The following ABRAXAS2 variants were observed in gnomAD, a reference collection of about 807,000 sequenced individuals.
ABRAXAS2 encodes the protein abraxas 2, BRISC complex subunit, also known as BRISC complex subunit Abraxas 2.
In ABRAXAS2, 23 loss-of-function variants were observed where a neutral mutation model predicts 49.0. That is an observed-to-expected ratio of 0.47 (90% CI 0.34 to 0.66). The LOEUF (loss-of-function observed/expected upper bound fraction) is 0.66, where lower values mean the gene tolerates loss of function less well. ABRAXAS2 is among the 30% of genes least tolerant of loss of function. The probability of loss-of-function intolerance (pLI) is 0.01; values close to 1 mark genes in which losing one functional copy is unlikely to be tolerated. For missense variants in ABRAXAS2, 443 were observed against 511.9 expected, an observed-to-expected ratio of 0.87 and a Z score of 1.30; for synonymous variants, 168 against 180.2, an observed-to-expected ratio of 0.93 and a Z score of 0.54.
At chr10:124,805,697 A>C (rs938427108) in intron 1 of ABRAXAS2, among the ~76,000 whole-genome samples, 6 of 152,208 alleles carry the variant, frequency 3.9e-5, no homozygotes, top group Non-Finnish European at 7.3e-5. Flanking sequence ...TAAAGGGGGC[A>C]GAGTGCCTGG....
chr10:124,806,330 CA>C (rs1284801779), intron 1 of ABRAXAS2, among the ~76,000 whole-genome samples: 1 of 150,848 alleles, frequency 6.6e-6, no homozygotes, highest in African/African-American at 2.4e-5. Context: ...AAAAAAAAGA[CA>C]AGAAAAAGGT....
In ABRAXAS2 at chr10:124,825,984, G is replaced by A. The variant is rs534290964; in HGVS notation, c.268-611G>A. ...CCTGATGACCAACAAATCACATTATGAGAAGTATTCTTCCAGAGTGCATAA... is the reference window on the plus strand; with the variant it reads ...CCTGATGACCAACAAATCACATTATAAGAAGTATTCTTCCAGAGTGCATAA... On this transcript the variant is annotated intron_variant, in intron 4 of 8. Coordinates refer to ENST00000298492, the MANE Select transcript of ABRAXAS2 (RefSeq NM_032182.4). Among the ~76,000 whole-genome samples, 17 of 152,286 alleles carry A rather than the reference G, an allele frequency of 1.1e-4. No individual in the cohort carries two copies. The East Asian group carries it at 3.3e-3, about 29-fold the overall frequency.
chr10:124,821,454 T>G (rs1236920577), intron 4 of ABRAXAS2, among the ~76,000 whole-genome samples: 1 of 151,780 alleles, frequency 6.6e-6, no homozygotes, highest in Non-Finnish European at 1.5e-5. Context: ...TTGTCCCAGG[T>G]ACTCAGGAGG....
At chr10:124,820,724 T>G (rs1360276795) in intron 4 of ABRAXAS2, among the ~76,000 whole-genome samples, 1 of 151,898 alleles carries the variant, frequency 6.6e-6, no homozygotes, top group East Asian at 1.9e-4. Context: ...TCCACCTGCC[T>G]CGGCCTCCCA....
intron 4 of ABRAXAS2, among the ~76,000 whole-genome samples, chr10:124,824,123 A>T (rs1440568201): frequency 6.6e-6 from 1 of 151,968 alleles, no homozygotes; most frequent in Non-Finnish European, 1.5e-5. Context: ...GCCGGGCTCA[A>T]ACTCCTGGGC....
chr10:124,820,032 G>C (rs755084120), intron 4 of ABRAXAS2, among the ~76,000 whole-genome samples: 20 of 152,170 alleles, frequency 1.3e-4, no homozygotes, highest in Non-Finnish European at 2.8e-4. Flanking sequence ...TATAAAAATA[G>C]ATCCGTTACT....
At chr10:124,828,196 T>C (rs1950908684) in intron 5 of ABRAXAS2, among the ~76,000 whole-genome samples, 1 of 152,116 alleles carries the variant, frequency 6.6e-6, no homozygotes, top group Admixed American at 6.5e-5. Flanking sequence ...ATTTTAATTT[T>C]ATTATTACTA....
chr10:124,822,550 T>G (rs574624672), intron 4 of ABRAXAS2, among the ~76,000 whole-genome samples: 2 of 152,250 alleles, frequency 1.3e-5, no homozygotes, highest in Admixed American at 6.5e-5. Context: ...CCCAGCACTT[T>G]GGGAGGCCGA....
At chr10:124,824,534 C>CAAAAAAAA (rs531680713) in intron 4 of ABRAXAS2, among the ~76,000 whole-genome samples, 1 of 78,198 alleles carries the variant, frequency 1.3e-5, no homozygotes, top group African/African-American at 3.9e-5. Context: ...TCTCAAAAAC[C>CAAAAAAAA]AAAAAAAAAA....
At chr10:124,825,284 C>T (rs867895125) in intron 4 of ABRAXAS2, among the ~76,000 whole-genome samples, 1 of 139,894 alleles carries the variant, frequency 7.1e-6, no homozygotes. Context: ...TGCCACTGCA[C>T]TCTAGCCTGA....
chr10:124,805,529 G>A (rs1950736840), intron 1 of ABRAXAS2, among the ~76,000 whole-genome samples: 1 of 152,200 alleles, frequency 6.6e-6, no homozygotes, highest in African/African-American at 2.4e-5. Context: ...CCTACTAAGT[G>A]TTAGGCATTG....
chr10:124,827,098 A>C (rs1388069064), intron 5 of ABRAXAS2, among the ~76,000 whole-genome samples: 1 of 151,924 alleles, frequency 6.6e-6, no homozygotes, highest in African/African-American at 2.4e-5. Context: ...TCTCAAAAAA[A>C]AAAAAAAAGG....
chr10:124,821,208 T>C (rs1431957966), intron 4 of ABRAXAS2, among the ~76,000 whole-genome samples: 4 of 151,154 alleles, frequency 2.6e-5, no homozygotes, highest in South Asian at 2.2e-4. Context: ...CCACTGCACC[T>C]GGCAGATTTC....
At chr10:124,806,983 T>C in intron 2 of ABRAXAS2, 62 bp downstream of exon 2, 3 of 1,279,250 alleles carry the variant, frequency 2.3e-6, no homozygotes, top group Non-Finnish European at 3.4e-6. Flanking sequence ...AATGTTTGTT[T>C]TGTTGTTTTG....
intron 2 of ABRAXAS2, among the ~76,000 whole-genome samples, chr10:124,807,530 G>A (rs1400493652): frequency 2.6e-5 from 4 of 151,524 alleles, no homozygotes; most frequent in Non-Finnish European, 4.4e-5. Flanking sequence ...GCGGGTGCCT[G>A]TAATCCCAGC....
At chr10:124,824,278 G>A (rs1950883164) in intron 4 of ABRAXAS2, among the ~76,000 whole-genome samples, 1 of 152,122 alleles carries the variant, frequency 6.6e-6, no homozygotes, top group Non-Finnish European at 1.5e-5. Context: ...GCTCACGCCT[G>A]TAATGCCAGC....
At chr10:124,819,008 A>G (rs1267837199) in intron 3 of ABRAXAS2, among the ~76,000 whole-genome samples, 1 of 152,164 alleles carries the variant, frequency 6.6e-6, no homozygotes, top group Non-Finnish European at 1.5e-5. Context: ...ACATCCCACA[A>G]ATGTTTACTT....
intron 2 of ABRAXAS2, among the ~76,000 whole-genome samples, chr10:124,811,669 C>T (rs1950788989): frequency 1.3e-5 from 2 of 151,222 alleles, no homozygotes; most frequent in Admixed American, 6.6e-5. Context: ...ACCTGGGAGG[C>T]GGAGCTTGCA....
At chr10:124,819,761 G>A (rs1404642728) in intron 4 of ABRAXAS2, among the ~76,000 whole-genome samples, 1 of 150,502 alleles carries the variant, frequency 6.6e-6, no homozygotes, top group Non-Finnish European at 1.5e-5. Context: ...GAGACAGAGC[G>A]AGGCTCCATC....
Sources: gnomAD v4.1 joint callset for allele counts (sites outside exome capture counted in the v4.1 genomes callset) on GRCh38, gnomAD v4.1.1 for gene constraint, MANE v1.5 for transcripts, NCBI Gene and HGNC (gene_info 2026-07-23, HGNC 2026-07-21) for gene names.